Variants in CHD9 observed in about 807,000 individuals in gnomAD.
CHD9 encodes chromodomain helicase DNA binding protein 9, also known as ATP-dependent chromatin remodeler CHD9.
Under a neutral mutation model 316.1 loss-of-function variants are expected in CHD9, and 77 were observed. That is an observed-to-expected ratio of 0.24 (90% CI 0.20 to 0.29). CHD9 has a LOEUF of 0.29. Among genes scored for constraint, CHD9 ranks in the 10% least tolerant of loss-of-function variants. The pLI, the probability that CHD9 is intolerant of heterozygous loss-of-function variation, is 1.00. For synonymous variants in CHD9, 1,129 were observed against 1,158.3 expected (o/e 0.97, Z 0.51); for missense variants, 2,763 against 3,438.1 (o/e 0.80, Z 4.91).
chr16:53,222,547 A>G, intron 3 of CHD9, 97 bp from the exon 4 acceptor site: 1 of 637,954 alleles, frequency 1.6e-6, no homozygotes, highest in South Asian at 2.0e-5. Context: ...TGCAAGTGAT[A>G]TAAAGTGGAA....
chr16:53,286,770 A>G (rs189345285), intron 26 of CHD9, among the ~76,000 whole-genome samples: 153 of 152,330 alleles, frequency 1.0e-3, no homozygotes, highest in African/African-American at 3.5e-3. Context: ...CTAGTCCTAT[A>G]TATAAAATTG....
At chr16:53,115,114 G>T (rs1307234708) in intron 1 of CHD9, among the ~76,000 whole-genome samples, 2 of 152,190 alleles carry the variant, frequency 1.3e-5, no homozygotes, top group African/African-American at 4.8e-5. Context: ...TTTCCTGAGA[G>T]GTTGATTTTT....
chr16:53,135,495 A>G (rs1180299108), intron 1 of CHD9, among the ~76,000 whole-genome samples: 2 of 152,178 alleles, frequency 1.3e-5, no homozygotes, highest in African/African-American at 4.8e-5. Context: ...TGGAGGAGGA[A>G]CAACTGACAG....
chr16:53,109,127 A>T (rs1356317389), intron 1 of CHD9, among the ~76,000 whole-genome samples: 1 of 152,174 alleles, frequency 6.6e-6, no homozygotes, highest in African/African-American at 2.4e-5. Flanking sequence ...CTCTCATGCC[A>T]TGCCCGGTTG....
At chr16:53,317,408 T>C (rs1269402217) in intron 36 of CHD9, among the ~76,000 whole-genome samples, 1 of 152,174 alleles carries the variant, frequency 6.6e-6, no homozygotes, top group Non-Finnish European at 1.5e-5. Flanking sequence ...CATTAAGCCC[T>C]GTTTTGTTAA....
intron 1 of CHD9, among the ~76,000 whole-genome samples, chr16:53,085,315 A>G (rs978106168): frequency 6.6e-6 from 1 of 151,580 alleles, no homozygotes. Context: ...GCCTCAAGCA[A>G]TGTCCACCTA....
chr16:53,309,249 T>A (rs1245684827), intron 34 of CHD9, among the ~76,000 whole-genome samples: 1 of 152,224 alleles, frequency 6.6e-6, no homozygotes, highest in Admixed American at 6.5e-5. Context: ...TATCTATGAC[T>A]AATCCCTAAA....
At chr16:53,136,587 A>T (rs771944834) in intron 1 of CHD9, among the ~76,000 whole-genome samples, 2 of 151,546 alleles carry the variant, frequency 1.3e-5, no homozygotes, top group Admixed American at 1.3e-4. Flanking sequence ...GGAATTTAAG[A>T]TTACAGACTT....
intron 20 of CHD9, 93 bp from the exon 21 acceptor site, chr16:53,267,201 T>C (rs1297301375): frequency 2.7e-6 from 2 of 733,624 alleles, no homozygotes; most frequent in Non-Finnish European, 2.0e-6. Flanking sequence ...TCTGTGTTTC[T>C]GTAATTATTG....
intron 24 of CHD9, among the ~76,000 whole-genome samples, chr16:53,274,752 C>T (rs968077579): frequency 6.6e-5 from 10 of 152,232 alleles, no homozygotes; most frequent in East Asian, 3.9e-4. Context: ...TGAGCCACCA[C>T]GCCCAGCCTA....
At chr16:53,140,024 A>G (rs1219499576) in intron 1 of CHD9, among the ~76,000 whole-genome samples, 4 of 152,054 alleles carry the variant, frequency 2.6e-5, no homozygotes, top group African/African-American at 9.7e-5. Context: ...GCTTGAGCCC[A>G]GGAGGCAGAG....
At chr16:53,260,306 C>CG (rs1185260955) in intron 19 of CHD9, among the ~76,000 whole-genome samples, 1 of 152,060 alleles carries the variant, frequency 6.6e-6, no homozygotes, top group Non-Finnish European at 1.5e-5. Context: ...AAGTGAAACT[C>CG]CATCTCTACA....
chr16:53,231,848 G>A (rs2048202475), intron 10 of CHD9, 64 bp downstream of exon 10: 5 of 1,341,380 alleles, frequency 3.7e-6, no homozygotes, highest in Non-Finnish European at 5.1e-6. Flanking sequence ...TTATGATATT[G>A]CTAATAATTA....
At chr16:53,061,242 TAAAACAAA>T (rs2152497134) in intron 1 of CHD9, among the ~76,000 whole-genome samples, 1 of 152,148 alleles carries the variant, frequency 6.6e-6, no homozygotes, top group South Asian at 2.1e-4. Context: ...GCTGTCTCTT[TAAAACAAA>T]AAAACAAACA....
At chr16:53,242,632 T>C (rs898481039) in intron 12 of CHD9, among the ~76,000 whole-genome samples, 1 of 152,172 alleles carries the variant, frequency 6.6e-6, no homozygotes, top group African/African-American at 2.4e-5. Context: ...ATAATATAAT[T>C]ATGTTGGCAT....
In CHD9 at chr16:53,226,437, AGAG is replaced by A; in HGVS notation, c.1970_1972del (p.Glu657del). On this transcript the variant is annotated inframe_deletion, in exon 5 of 39. Coordinates refer to ENST00000447540, the MANE Select transcript of CHD9 (RefSeq NM_001308319.2). ...ATATAGAAGGGAAGCAATCTGAAGA[AGAG>A]GTTAAAGGTTCTATGAAAATAAAAA... 3 of 1,605,522 alleles carry A rather than the reference AGAG, an allele frequency of 1.9e-6. No homozygotes were observed. The highest frequency in any genetic ancestry group is 2.5e-6 in the Non-Finnish European group (3 of 1,177,286).
chr16:53,160,713 C>G (rs2041848038), intron 2 of CHD9, among the ~76,000 whole-genome samples: 1 of 152,092 alleles, frequency 6.6e-6, no homozygotes, highest in Non-Finnish European at 1.5e-5. Context: ...TCAAGACCCG[C>G]CTGGCCAACA....
chr16:53,251,692 G>C (rs2050141747), intron 17 of CHD9, among the ~76,000 whole-genome samples: 1 of 152,196 alleles, frequency 6.6e-6, no homozygotes, highest in African/African-American at 2.4e-5. Context: ...AATATTTGGA[G>C]TCAAGATTTA....
chr16:53,096,721 G>A (rs1052924258), intron 1 of CHD9, among the ~76,000 whole-genome samples: 1 of 152,108 alleles, frequency 6.6e-6, no homozygotes, highest in South Asian at 2.1e-4. Flanking sequence ...ACTTGAAACT[G>A]GATAATTGAT....
Sources: allele counts gnomAD v4.1 joint callset (sites outside exome capture counted in the v4.1 genomes callset), GRCh38; gene constraint gnomAD v4.1.1; transcripts MANE v1.5; gene names NCBI Gene and HGNC (gene_info 2026-07-23, HGNC 2026-07-21).